SPOCK3: variants seen among roughly 807,000 people sequenced by gnomAD.
SPOCK3 encodes testican-3.
A neutral mutation model predicts 56.6 loss-of-function variants in SPOCK3; 30 were observed. The ratio of observed to expected loss-of-function variants is 0.53; its 90% confidence interval spans 0.40 to 0.72. The LOEUF (loss-of-function observed/expected upper bound fraction) is 0.72. Among genes scored for constraint, SPOCK3 ranks in the 30% least tolerant of loss-of-function variants. The pLI is 0.00. For missense variants in SPOCK3, 527 were observed against 530.0 expected (o/e 0.99, Z 0.06); for synonymous variants, 196 against 183.3 (o/e 1.07, Z -0.56).
At chr4:167,173,340 C>A (rs927220419) in intron 2 of SPOCK3, among the ~76,000 whole-genome samples, 1 of 152,098 alleles carries the variant, frequency 6.6e-6, no homozygotes, top group Non-Finnish European at 1.5e-5. Flanking sequence ...ATTGCCTGCA[C>A]AATATTGCCT....
At chr4:167,046,448 T>TCC in intron 3 of SPOCK3, among the ~76,000 whole-genome samples, 1 of 138,594 alleles carries the variant, frequency 7.2e-6, no homozygotes, top group South Asian at 2.3e-4. Context: ...CTTTCTGATA[T>TCC]TCTTTTTTTT....
At chr4:166,767,304 C>A (rs1738227369) in intron 7 of SPOCK3, among the ~76,000 whole-genome samples, 1 of 151,198 alleles carries the variant, frequency 6.6e-6, no homozygotes, top group Non-Finnish European at 1.5e-5. Context: ...TAGCTCTTTC[C>A]TGCTTTCTCT....
At chr4:167,066,724 C>CT (rs1756177567) in intron 2 of SPOCK3, among the ~76,000 whole-genome samples, 1 of 151,760 alleles carries the variant, frequency 6.6e-6, no homozygotes, top group South Asian at 2.1e-4. Context: ...CTTTATATTA[C>CT]TTATCATATT....
intron 3 of SPOCK3, among the ~76,000 whole-genome samples, chr4:167,059,735 A>G (rs942615902): frequency 3.3e-5 from 5 of 152,236 alleles, no homozygotes; most frequent in African/African-American, 7.2e-5. Flanking sequence ...CACAATATGA[A>G]AGACTTGGAA....
chr4:166,949,113 C>A (rs1742164378), intron 4 of SPOCK3, among the ~76,000 whole-genome samples: 1 of 152,074 alleles, frequency 6.6e-6, no homozygotes, highest in Non-Finnish European at 1.5e-5. Context: ...TCGCTGATAC[C>A]CTTTCTTCCA....
intron 2 of SPOCK3, among the ~76,000 whole-genome samples, chr4:167,140,540 T>C (rs1009545414): frequency 1.3e-5 from 2 of 151,984 alleles, no homozygotes; most frequent in Non-Finnish European, 2.9e-5. Flanking sequence ...ATTGTGACCC[T>C]TTCCTTAGGA....
At chr4:166,753,406 T>C (rs1399881964) in intron 8 of SPOCK3, among the ~76,000 whole-genome samples, 1 of 152,030 alleles carries the variant, frequency 6.6e-6, no homozygotes, top group Admixed American at 6.6e-5. Context: ...TGTTTGTGTG[T>C]GTAATAAATA....
intron 5 of SPOCK3, among the ~76,000 whole-genome samples, chr4:166,902,587 T>C (rs1265496566): frequency 2.0e-5 from 3 of 151,682 alleles, no homozygotes; most frequent in Non-Finnish European, 4.4e-5. Flanking sequence ...TGTACATAAA[T>C]ATATGATATA....
At chr4:166,736,320 T>C (rs1178280719) in intron 10 of SPOCK3, among the ~76,000 whole-genome samples, 3 of 152,148 alleles carry the variant, frequency 2.0e-5, no homozygotes, top group African/African-American at 4.8e-5. Flanking sequence ...GTATCCATCA[T>C]TGTCATCAAT....
At chr4:167,178,845 A>T (rs1029785499) in intron 2 of SPOCK3, among the ~76,000 whole-genome samples, 4 of 152,186 alleles carry the variant, frequency 2.6e-5, no homozygotes, top group African/African-American at 9.6e-5. Context: ...AATACATGGT[A>T]TTATAAAATG....
intron 6 of SPOCK3, among the ~76,000 whole-genome samples, chr4:166,880,159 A>G (rs1270489565): frequency 1.3e-5 from 2 of 152,160 alleles, no homozygotes; most frequent in East Asian, 3.8e-4. Context: ...TATTTTATTG[A>G]ACTCCTGGTA....
chr4:167,151,380 C>T (rs908704753), intron 2 of SPOCK3, among the ~76,000 whole-genome samples: 2 of 148,926 alleles, frequency 1.3e-5, no homozygotes, highest in East Asian at 2.0e-4. Flanking sequence ...CCAAAGGCTG[C>T]TCAGGCTAAC....
intron 2 of SPOCK3, among the ~76,000 whole-genome samples, chr4:167,116,913 G>GTATATATATATATATATATA (rs70957813): frequency 2.5e-5 from 3 of 121,498 alleles, no homozygotes; most frequent in Non-Finnish European, 5.1e-5. Flanking sequence ...GTGTGTGTGT[G>GTATATATATATATATATATA]TATATATATA....
rs148079535 is a variant in SPOCK3, at chr4:166,970,843, G to A, written c.350+29506C>T. ...AATAGAAATATATCAAGGCCATTTG[G>A]TATATTGCCAACTCCAACTACAGTC... On this transcript the variant is annotated intron_variant, in intron 4 of 10. Transcript: ENST00000357545. 4.2e-4 allele frequency among the ~76,000 whole-genome samples: 64 copies of A among 152,156 alleles called. 2 individuals are homozygous for A. In the East Asian group the frequency reaches 7.0e-3, roughly 17 times the overall value.
At chr4:166,967,358 T>C (rs1002906430) in intron 4 of SPOCK3, among the ~76,000 whole-genome samples, 54 of 152,326 alleles carry the variant, frequency 3.5e-4, no homozygotes, top group African/African-American at 1.2e-3. Context: ...GAAGGTGATA[T>C]GGTTTGGCTC....
At chr4:166,847,682 A>ATATATATATATATATATATATATATAT in intron 6 of SPOCK3, among the ~76,000 whole-genome samples, 1 of 27,228 alleles carries the variant, frequency 3.7e-5, no homozygotes, top group African/African-American at 8.3e-5. Context: ...TATATATATA[A>ATATATATATATATATATATATATATAT]GAATCATGTT....
chr4:166,781,592 G>T (rs1740180537), intron 7 of SPOCK3, among the ~76,000 whole-genome samples: 1 of 151,990 alleles, frequency 6.6e-6, no homozygotes, highest in Non-Finnish European at 1.5e-5. Context: ...TGGGGTCGAA[G>T]AATATTTCAA....
intron 7 of SPOCK3, among the ~76,000 whole-genome samples, chr4:166,777,884 A>G (rs1216047042): frequency 6.6e-6 from 1 of 152,218 alleles, no homozygotes; most frequent in Admixed American, 6.5e-5. Flanking sequence ...ACTATTTTGC[A>G]TTGTAAGGAT....
At chr4:166,769,062 A>C (rs1738549422) in intron 7 of SPOCK3, among the ~76,000 whole-genome samples, 1 of 152,114 alleles carries the variant, frequency 6.6e-6, no homozygotes, top group African/African-American at 2.4e-5. Flanking sequence ...ACTTCTCTAC[A>C]GTGGTTATTC....
Sources: gnomAD v4.1 joint callset for allele counts (sites outside exome capture counted in the v4.1 genomes callset) on GRCh38, gnomAD v4.1.1 for gene constraint, MANE v1.5 for transcripts, NCBI Gene and HGNC (gene_info 2026-07-23, HGNC 2026-07-21) for gene names.